Variants in SMAD9 observed in about 807,000 individuals in gnomAD.
SMAD9 encodes the protein MAD homolog 9.
SMAD9 carries 36 observed loss-of-function variants against 46.1 expected under a neutral mutation model. The observed-to-expected ratio is 0.78, with a 90% CI of 0.60 to 1.03. SMAD9 has a LOEUF of 1.03. SMAD9 is among the 50% of genes least tolerant of loss of function. SMAD9 has a pLI of 0.00. For synonymous variants in SMAD9, 245 were observed against 237.1 expected (o/e 1.03, Z -0.31); for missense variants, 572 against 599.8 (o/e 0.95, Z 0.48).
At chr13:36,851,677 G>T (rs2058075964) in intron 6 of SMAD9, 4 of 911,026 alleles carry the variant, frequency 4.4e-6, no homozygotes, top group Non-Finnish European at 5.2e-6. Context: ...AAACCTTAAA[G>T]AGATCTGATC....
At chr13:36,858,423 C>G (rs1359100638) in intron 5 of SMAD9, among the ~76,000 whole-genome samples, 1 of 152,182 alleles carries the variant, frequency 6.6e-6, no homozygotes, top group Non-Finnish European at 1.5e-5. Context: ...GAAGAGGCAC[C>G]TTTTCCTAAC....
At chr13:36,869,410 C>A (rs2058267297) in intron 3 of SMAD9, among the ~76,000 whole-genome samples, 1 of 151,994 alleles carries the variant, frequency 6.6e-6, no homozygotes, top group Non-Finnish European at 1.5e-5. Flanking sequence ...TTAGTAGAGA[C>A]AGGGTTTCAC....
At chr13:36,908,829 G>A (rs181051857) in intron 1 of SMAD9, among the ~76,000 whole-genome samples, 2 of 152,250 alleles carry the variant, frequency 1.3e-5, no homozygotes, top group South Asian at 2.1e-4. Flanking sequence ...CTCCAATAAC[G>A]GCTGGATTTT....
chr13:36,898,579 A>G (rs2058548565), intron 1 of SMAD9, among the ~76,000 whole-genome samples: 1 of 152,234 alleles, frequency 6.6e-6, no homozygotes, highest in African/African-American at 2.4e-5. Flanking sequence ...AATGAAGTTT[A>G]TCACAGAAAT....
At position 36,867,786 on chromosome 13, in the gene SMAD9, T is replaced by C. The variant is rs983237796; in HGVS notation, c.671-403A>G. Among the ~76,000 whole-genome samples the C allele has an allele frequency of 2.6e-5, 4 of 152,106 alleles. No individual in the cohort carries two copies. In the East Asian group the frequency reaches 7.7e-4, roughly 29 times the overall value. On this transcript the variant is annotated intron_variant, in intron 3 of 6. Transcript: ENST00000379826. Reference sequence around the variant, plus strand: ...TTTTCAGCTTCTATGTTGTCACAAATTGTACAATGGCCACGGGGACGCTCT... The same window carrying C: ...TTTTCAGCTTCTATGTTGTCACAAACTGTACAATGGCCACGGGGACGCTCT...
In SMAD9 at chr13:36,879,314, T is replaced by G. The variant is rs879013574; in HGVS notation, c.376A>C (p.Ile126Leu). 1 of 1,614,168 alleles carries G rather than the reference T, an allele frequency of 6.2e-7. No individual in the cohort carries two copies. Among genetic ancestry groups the G allele is most frequent in the South Asian group, 1.1e-5 (1 of 91,090 alleles). Residue 126 changes from isoleucine (I) to leucine (L), a missense_variant, in exon 2 of 7, where the codon ATT (isoleucine) becomes CTT (leucine). Transcript: ENST00000379826. ...ACCCGGCGGTAGTGGTAAGGGTTAA[T>G]GCACACTTCTTTCTGCTTGGAGCCA... ...PFGSKQKEVC[I>L]NPYHYRRVET... is the part of the protein sequence containing the mutation.
chr13:36,848,634 A>G lies in SMAD9; in HGVS notation c.*42T>C. ...TGAAATGATACAAGCCACTCCCTGC[A>G]ATAGCCTCTATCCTATGGAAATGCA... On this transcript the variant is annotated 3_prime_UTR_variant, in exon 7 of 7. Transcript: ENST00000379826. 3 of 1,600,178 alleles carry G rather than the reference A, an allele frequency of 1.9e-6. No homozygotes were observed. Among genetic ancestry groups the G allele is most frequent in the Non-Finnish European group, 1.7e-6 (2 of 1,167,240 alleles).
At chr13:36,913,008 T>C (rs2058673070) in intron 1 of SMAD9, among the ~76,000 whole-genome samples, 1 of 152,216 alleles carries the variant, frequency 6.6e-6, no homozygotes, top group African/African-American at 2.4e-5. Context: ...TCCTCCCTTA[T>C]ACTTTAAATC....
chr13:36,851,977 A>G, intron 6 of SMAD9: 1 of 984,382 alleles, frequency 1.0e-6, no homozygotes, highest in Non-Finnish European at 1.2e-6. Flanking sequence ...CGGAAAAAAA[A>G]AAAACTGTAT....
At chr13:36,875,224 G>A (rs943350486) in intron 2 of SMAD9, among the ~76,000 whole-genome samples, 6 of 151,958 alleles carry the variant, frequency 3.9e-5, no homozygotes, top group Admixed American at 6.6e-5. Flanking sequence ...CTTAAAAAAA[G>A]GTAAATGTTT....
At chr13:36,888,998 A>G (rs2058469700) in intron 1 of SMAD9, among the ~76,000 whole-genome samples, 1 of 152,232 alleles carries the variant, frequency 6.6e-6, no homozygotes, top group Non-Finnish European at 1.5e-5. Context: ...ATCAACTGAA[A>G]AATGCCTCCC....
intron 5 of SMAD9, among the ~76,000 whole-genome samples, chr13:36,864,747 T>C (rs914010635): frequency 1.3e-5 from 2 of 152,140 alleles, no homozygotes; most frequent in African/African-American, 4.8e-5. Flanking sequence ...CATCACCAAA[T>C]GGAACAATGA....
chr13:36,853,685 C>A lies in SMAD9; in HGVS notation c.1004-10G>T. On this transcript the variant is annotated splice_polypyrimidine_tract_variant and intron_variant, in intron 5 of 6. Coordinates refer to ENST00000379826, the MANE Select transcript of SMAD9 (RefSeq NM_001127217.3). ...TAGTACAAGTGCACACCTGCAGACACAAAAACACAGCCTTCCTTCACATGC... is the reference window on the plus strand; with the variant it reads ...TAGTACAAGTGCACACCTGCAGACAAAAAAACACAGCCTTCCTTCACATGC... The A allele has an allele frequency of 6.2e-7, 1 of 1,613,826 alleles. No individual in the cohort carries two copies. The highest frequency in any genetic ancestry group is 8.5e-7 in the Non-Finnish European group (1 of 1,179,984).
At chr13:36,854,002 T>C (rs2058099032) in intron 5 of SMAD9, among the ~76,000 whole-genome samples, 1 of 151,792 alleles carries the variant, frequency 6.6e-6, no homozygotes, top group Non-Finnish European at 1.5e-5. Context: ...CTACTAAAAA[T>C]ACAAAAATTA....
At chr13:36,873,766 G>A (rs370555751) in intron 2 of SMAD9, among the ~76,000 whole-genome samples, 27 of 152,144 alleles carry the variant, frequency 1.8e-4, no homozygotes, top group African/African-American at 6.5e-4. Flanking sequence ...AGGAGGCTGA[G>A]GCAGGAGAAT....
intron 1 of SMAD9, among the ~76,000 whole-genome samples, chr13:36,885,902 G>C (rs1229594986): frequency 6.6e-6 from 1 of 152,154 alleles, no homozygotes; most frequent in Admixed American, 6.5e-5. Flanking sequence ...GAGAAAGTAA[G>C]AGTAAGAAGA....
At chr13:36,872,626 G>C (rs779632486) in intron 3 of SMAD9, 32 bp downstream of exon 3, 2 of 1,611,892 alleles carry the variant, frequency 1.2e-6, no homozygotes, top group South Asian at 1.1e-5. Context: ...TTATTTTCCC[G>C]TATTTCCCCA....
chr13:36,913,334 G>A (rs1260849565), intron 1 of SMAD9, among the ~76,000 whole-genome samples: 2 of 152,040 alleles, frequency 1.3e-5, no homozygotes, highest in African/African-American at 4.8e-5. Flanking sequence ...ACTTCATTTC[G>A]TTGTGTAGTC....
intron 1 of SMAD9, among the ~76,000 whole-genome samples, chr13:36,885,299 A>C (rs2058435622): frequency 6.6e-6 from 1 of 152,182 alleles, no homozygotes; most frequent in African/African-American, 2.4e-5. Flanking sequence ...TTCTATCTAG[A>C]AAACAGCTGG....
Sources: allele counts gnomAD v4.1 joint callset (sites outside exome capture counted in the v4.1 genomes callset), GRCh38; gene constraint gnomAD v4.1.1; transcripts MANE v1.5; gene names NCBI Gene and HGNC (gene_info 2026-07-23, HGNC 2026-07-21).